Variants in EAPP observed in about 807,000 individuals in gnomAD.
The protein encoded by EAPP is E2F-associated phosphoprotein.
EAPP carries 38 observed loss-of-function variants against 34.3 expected under a neutral mutation model. The observed-to-expected ratio is 1.11, with a 90% CI of 0.85 to 1.45. The LOEUF is 1.45. Among genes scored for constraint, EAPP ranks in the 40% most tolerant of loss-of-function variants. The pLI, the probability that EAPP is intolerant of heterozygous loss-of-function variation, is 0.00. For synonymous variants in EAPP, 113 were observed against 117.6 expected (o/e 0.96, Z 0.25); for missense variants, 338 against 343.7 (o/e 0.98, Z 0.13).
intron 5 of EAPP, among the ~76,000 whole-genome samples, chr14:34,522,209 CT>C (rs1382176170): frequency 6.6e-6 from 1 of 152,154 alleles, no homozygotes. Context: ...ATCCTCCCAG[CT>C]TGGCCTCCCA....
intron 5 of EAPP, among the ~76,000 whole-genome samples, chr14:34,518,035 A>C (rs1257219569): frequency 6.6e-6 from 1 of 152,028 alleles, no homozygotes; most frequent in Non-Finnish European, 1.5e-5. Flanking sequence ...AGCCTCCCAA[A>C]GTGCTGGGAT....
At chr14:34,524,159 A>G (rs981294981) in intron 5 of EAPP, among the ~76,000 whole-genome samples, 2 of 152,126 alleles carry the variant, frequency 1.3e-5, no homozygotes, top group African/African-American at 4.8e-5. Flanking sequence ...TGGGAGGCCA[A>G]CGCAAGTGGA....
intron 3 of EAPP, among the ~76,000 whole-genome samples, chr14:34,532,674 C>CTTTTT (rs1382526657): frequency 7.3e-6 from 1 of 136,068 alleles, no homozygotes; most frequent in Non-Finnish European, 1.6e-5. Context: ...GTGTCCCCAG[C>CTTTTT]TTTTTTTTTT....
rs1404414932 is a variant in EAPP at position 34,536,173 on chromosome 14, A to G, written c.177T>C (p.Asp59=). ...LTGESESSSE[D]EFEKEMEAEL... Reference sequence around the variant, plus strand: ...CAGCTTCCATCTCCTTTTCAAATTCATCTTCACTAGATGATTCACTTTCTC... The same window carrying G: ...CAGCTTCCATCTCCTTTTCAAATTCGTCTTCACTAGATGATTCACTTTCTC... The change falls in exon 2 of 6, where the codon GAT becomes GAC. Residue 59 remains aspartate, a synonymous_variant. Transcript: ENST00000250454. 2 of 1,613,250 alleles carry G rather than the reference A, an allele frequency of 1.2e-6. No individual in the cohort carries two copies. Among genetic ancestry groups the G allele is most frequent in the East Asian group, 4.5e-5 (2 of 44,796 alleles).
intron 5 of EAPP, among the ~76,000 whole-genome samples, chr14:34,523,147 A>C (rs911996393): frequency 6.6e-6 from 1 of 151,900 alleles, no homozygotes; most frequent in Non-Finnish European, 1.5e-5. Flanking sequence ...TGGTGGTGAT[A>C]GCTTCAGTGC....
Position 34,529,361 on chromosome 14 carries a change from C to T in EAPP, c.467G>A (p.Arg156Lys), listed in dbSNP as rs1880202208. The change falls in exon 4 of 6, where the codon AGG (arginine) becomes AAG (lysine). Residue 156 changes from arginine to lysine, a missense_variant. Coordinates refer to ENST00000250454, the MANE Select transcript of EAPP (RefSeq NM_018453.4). ...AATATTAACTTTAAGTTCTTACCCC[C>T]TTCTCTGTGCATCAACCCAGGCCTG... ...RDQAWVDAQR[R>K]GYHGLGPQRS... The T allele has an allele frequency of 6.3e-7, 1 of 1,592,810 alleles. No homozygotes were observed. The highest frequency in any genetic ancestry group is 1.1e-5 in the South Asian group (1 of 88,568).
rs377754690 is a variant in EAPP, at chr14:34,539,617, A to C, written c.12T>G (p.Leu4=). 5 of 1,575,058 alleles carry C rather than the reference A, an allele frequency of 3.2e-6. No homozygotes were observed. Among genetic ancestry groups the C allele is most frequent in the Non-Finnish European group, 4.3e-6 (5 of 1,158,974 alleles). MNR[L]PDDYDPYAVE... ...CCGCGTAGGGGTCGTAGTCATCCGG[A>C]AGCCGGTTCATGGTGGCCTGCAGCG... The change falls in exon 1 of 6, where the codon CTT becomes CTG. Residue 4 remains leucine, a synonymous_variant. Transcript: ENST00000250454.
rs771170644 is a variant in EAPP, at chr14:34,536,194, T to A, written c.156A>T (p.Glu52Asp). 12 of 1,613,010 alleles carry A rather than the reference T, an allele frequency of 7.4e-6. No individual in the cohort carries two copies. The highest frequency in any genetic ancestry group is 1.0e-5 in the Non-Finnish European group (12 of 1,179,682). The change falls in exon 2 of 6, where the codon GAA becomes GAT. Residue 52 changes from glutamate (E) to aspartate (D), a missense_variant. Physicochemically the swap from Glu to Asp is conservative, Grantham distance 45. Transcript: ENST00000250454. ...ATTCATCTTCACTAGATGATTCACTTTCTCCGGTAAGACATTCTCTGATGA... is the reference window on the plus strand; with the variant it reads ...ATTCATCTTCACTAGATGATTCACTATCTCCGGTAAGACATTCTCTGATGA... ...RKLIRECLTG[E>D]SESSSEDEFE... is the part of the protein sequence containing the mutation.
intron 1 of EAPP, among the ~76,000 whole-genome samples, chr14:34,537,304 C>A (rs542017472): frequency 4.6e-5 from 7 of 152,206 alleles, no homozygotes; most frequent in Non-Finnish European, 1.0e-4. Flanking sequence ...AGCCACTGCA[C>A]CAGACCTGTA....
At chr14:34,526,875 A>AT (rs1555320200) in intron 4 of EAPP, among the ~76,000 whole-genome samples, 26 of 50,270 alleles carry the variant, frequency 5.2e-4, no homozygotes, top group Admixed American at 4.8e-3. Flanking sequence ...CTGTCTTTAA[A>AT]TTAAAAAAAA....
At chr14:34,523,296 G>A (rs557171617) in intron 5 of EAPP, among the ~76,000 whole-genome samples, 124 of 150,354 alleles carry the variant, frequency 8.2e-4, no homozygotes, top group Non-Finnish European at 1.6e-3. Context: ...GGAGTGCAGC[G>A]GCGTGACCTC....
At chr14:34,524,594 C>G in intron 5 of EAPP, 103 bp downstream of exon 5, 1 of 856,130 alleles carries the variant, frequency 1.2e-6, no homozygotes, top group South Asian at 1.6e-5. Context: ...CCAGCCTGGG[C>G]AACAGAGTAA....
chr14:34,517,595 A>G (rs1213622005), intron 5 of EAPP, among the ~76,000 whole-genome samples: 2 of 151,512 alleles, frequency 1.3e-5, no homozygotes, highest in African/African-American at 4.9e-5. Flanking sequence ...CTTCTTTTCT[A>G]TTTCTAATTT....
intron 3 of EAPP, among the ~76,000 whole-genome samples, chr14:34,532,712 T>C (rs955962108): frequency 1.3e-5 from 2 of 151,166 alleles, no homozygotes; most frequent in Admixed American, 1.3e-4. Context: ...TCTCACTCTG[T>C]TGCCCAGGCT....
At position 34,516,577 on chromosome 14, in the gene EAPP, T is replaced by C. The variant is rs762573321; in HGVS notation, c.591A>G (p.Ser197=). The C allele has an allele frequency of 2.4e-5, 39 of 1,611,520 alleles. No homozygotes were observed. The highest frequency in any genetic ancestry group is 3.2e-5 in the Non-Finnish European group (38 of 1,179,012). The change falls in exon 6 of 6, where the codon TCA becomes TCG. Residue 197 remains serine, a synonymous_variant. Transcript: ENST00000250454. ...ACATTGCTCTATATTGAGTTTTGTA[T>C]GATTCATGCCTAAGAGAAAAATGAA... ...TLCLDCQRHE[S]YKTQYRAMFV... is the part of the protein sequence containing the mutation.
At chr14:34,520,925 A>T (rs1879896525) in intron 5 of EAPP, among the ~76,000 whole-genome samples, 1 of 151,722 alleles carries the variant, frequency 6.6e-6, no homozygotes, top group Middle Eastern at 3.4e-3. Context: ...TCCTTTCAAG[A>T]TCCTCTCTTT....
At chr14:34,519,104 C>T (rs1319211932) in intron 5 of EAPP, among the ~76,000 whole-genome samples, 1 of 152,074 alleles carries the variant, frequency 6.6e-6, no homozygotes, top group East Asian at 1.9e-4. Context: ...GGCAGACTTC[C>T]CCCTCGTGCT....
chr14:34,519,166 C>T (rs931371686), intron 5 of EAPP, among the ~76,000 whole-genome samples: 3 of 152,122 alleles, frequency 2.0e-5, no homozygotes, highest in Admixed American at 6.6e-5. Context: ...AAGTATGTGG[C>T]ACCTCCCCTC....
rs879574097 is a variant in EAPP, at chr14:34,532,462, CA to C, written c.352+981del. Among the ~76,000 whole-genome samples the C allele has an allele frequency of 2.7e-3, 372 of 139,712 alleles. 1 individual carries two copies. The highest frequency in any genetic ancestry group is 4.9e-3 in the African/African-American group (189 of 38,222). The allele number at this position is 139,712 out of a possible 152,430, so 91.7% of individuals were successfully genotyped here. A position where few individuals can be genotyped will look rare whatever the true frequency, so the allele number is the denominator to read the frequency against. On this transcript the variant is annotated intron_variant, in intron 3 of 5. Coordinates refer to ENST00000250454, the MANE Select transcript of EAPP (RefSeq NM_018453.4). ...GGGCAACAAGAGCGAAACTCCATCT[CA>C]AAAAAAAAAAAATTCTGCAGGAGGA...
Sources: gnomAD v4.1 joint callset for allele counts (sites outside exome capture counted in the v4.1 genomes callset) on GRCh38, gnomAD v4.1.1 for gene constraint, MANE v1.5 for transcripts, NCBI Gene and HGNC (gene_info 2026-07-23, HGNC 2026-07-21) for gene names.